Variants in SLC9C2 observed in about 807,000 individuals in gnomAD.
The protein encoded by SLC9C2 is solute carrier family 9 member C2 (putative).
A neutral mutation model predicts 140.2 loss-of-function variants in SLC9C2; 75 were observed. That is an observed-to-expected ratio of 0.53 (90% confidence interval 0.44 to 0.65). SLC9C2 has a LOEUF of 0.65. Ranked by LOEUF, SLC9C2 falls within the 30% of genes least tolerant of loss-of-function variation. The probability of loss-of-function intolerance (pLI) is 0.00; values close to 1 mark genes in which losing one functional copy is unlikely to be tolerated. For missense variants in SLC9C2, 1,074 were observed against 1,331.8 expected, an observed-to-expected ratio of 0.81 and a Z score of 3.01; for synonymous variants, 375 against 420.9, an observed-to-expected ratio of 0.89 and a Z score of 1.34.
At chr1:173,524,181 T>A in intron 20 of SLC9C2, 87 bp from the exon 21 acceptor site, 1 of 1,228,402 alleles carries the variant, frequency 8.1e-7, no homozygotes, top group African/African-American at 1.5e-5. Context: ...CTAAATAAAC[T>A]ACTGTTAGGC....
rs1222067984 is a variant in SLC9C2 at position 173,505,276 on chromosome 1, G to C, written c.3281C>G (p.Thr1094Ser). The C allele has an allele frequency of 1.2e-6, 2 of 1,613,928 alleles. No homozygotes were observed. Among genetic ancestry groups the C allele is most frequent in the African/African-American group, 2.7e-5 (2 of 74,922 alleles). Reference sequence around the variant, plus strand: ...GACATTGGTGTTACTATTTCTTTGGGTAAGCTCAGATGCTTGGATTATCAG... The same window carrying C: ...GACATTGGTGTTACTATTTCTTTGGCTAAGCTCAGATGCTTGGATTATCAG... ...KLLIIQASEL[T>S]QRNSNTNVMA... The change falls in exon 26 of 28, where the codon ACC becomes AGC. Residue 1094 changes from threonine to serine, a missense_variant. By Grantham distance (58) the Thr-to-Ser change is moderately conservative (BLOSUM62 1). Coordinates refer to ENST00000367714, the MANE Select transcript of SLC9C2 (RefSeq NM_178527.4).
At chr1:173,541,424 C>A (rs888467007) in intron 13 of SLC9C2, among the ~76,000 whole-genome samples, 1 of 152,034 alleles carries the variant, frequency 6.6e-6, no homozygotes, top group Non-Finnish European at 1.5e-5. Flanking sequence ...ATTTTAACAC[C>A]CCACTGTCAA....
chr1:173,592,745 A>C lies in SLC9C2; in HGVS notation c.358-4915T>G, dbSNP rs61828915. ...GCTGAAGTTATTTATCAGCTGAAGG[A>C]GATTTGGGGCTGAGATTATGGGGTT... On this transcript the variant is annotated intron_variant, in intron 4 of 27. Transcript: ENST00000367714. Among the ~76,000 whole-genome samples, 262 of 152,306 alleles carry C rather than the reference A, an allele frequency of 1.7e-3. 1 individual carries two copies. Among genetic ancestry groups the C allele is most frequent in the Middle Eastern group, 3.4e-3 (1 of 294 alleles).
At chr1:173,600,858 T>G (rs1289250196) in intron 2 of SLC9C2, among the ~76,000 whole-genome samples, 1 of 152,200 alleles carries the variant, frequency 6.6e-6, no homozygotes, top group Admixed American at 6.5e-5. Context: ...CACTCTTTGA[T>G]ACAATGGGTA....
At chr1:173,565,059 C>A (rs1186099265) in intron 9 of SLC9C2, among the ~76,000 whole-genome samples, 1 of 150,598 alleles carries the variant, frequency 6.6e-6, no homozygotes, top group Non-Finnish European at 1.5e-5. Flanking sequence ...CCTCTGCCTC[C>A]CGGGTTCAAG....
At chr1:173,542,257 A>G (rs1279164843) in intron 13 of SLC9C2, among the ~76,000 whole-genome samples, 3 of 152,228 alleles carry the variant, frequency 2.0e-5, no homozygotes, top group Admixed American at 1.3e-4. Context: ...TAGAAAATCT[A>G]GAAGAAATGG....
chr1:173,601,904 C>G, intron 1 of SLC9C2, 49 bp from the exon 2 acceptor site: 1 of 1,155,800 alleles, frequency 8.7e-7, no homozygotes, highest in South Asian at 1.5e-5. Flanking sequence ...TCCAATTCAT[C>G]CATACCATTT....
intron 4 of SLC9C2, among the ~76,000 whole-genome samples, chr1:173,593,790 A>T (rs1048768391): frequency 3.3e-5 from 5 of 152,210 alleles, no homozygotes; most frequent in Non-Finnish European, 5.9e-5. Context: ...AGGGCATTAC[A>T]TAATGGTAAA....
intron 3 of SLC9C2, among the ~76,000 whole-genome samples, chr1:173,599,204 C>T (rs1387943782): frequency 6.6e-6 from 1 of 151,982 alleles, no homozygotes; most frequent in South Asian, 2.1e-4. Flanking sequence ...CTGCAAGCTC[C>T]GCTTCCCGGG....
At chr1:173,523,239 G>T (rs746497412) in intron 21 of SLC9C2, among the ~76,000 whole-genome samples, 2 of 152,082 alleles carry the variant, frequency 1.3e-5, no homozygotes, top group Non-Finnish European at 2.9e-5. Flanking sequence ...GGGCATGGTG[G>T]CACAGGCCTG....
intron 10 of SLC9C2, among the ~76,000 whole-genome samples, chr1:173,556,120 G>A (rs189363773): frequency 6.6e-5 from 10 of 152,264 alleles, no homozygotes; most frequent in Admixed American, 4.6e-4. Flanking sequence ...TCATTCAAGC[G>A]GTTTTCCCCC....
At position 173,601,816 on chromosome 1, in the gene SLC9C2, G is replaced by T; in HGVS notation, c.-40C>A. Reference sequence around the variant, plus strand: ...TTCCCCAGACCTAACTTGATGGAGTGGTTTGGTTATTATTGACACTTTCAC... The same window carrying T: ...TTCCCCAGACCTAACTTGATGGAGTTGTTTGGTTATTATTGACACTTTCAC... On this transcript the variant is annotated 5_prime_UTR_variant, in exon 2 of 28. Coordinates refer to ENST00000367714, the MANE Select transcript of SLC9C2 (RefSeq NM_178527.4). The T allele has an allele frequency of 6.2e-7, 1 of 1,610,504 alleles. No homozygotes were observed. Among genetic ancestry groups the T allele is most frequent in the Non-Finnish European group, 8.5e-7 (1 of 1,178,364 alleles).
At chr1:173,526,621 A>G in intron 19 of SLC9C2, 42 bp downstream of exon 19, 1 of 1,471,498 alleles carries the variant, frequency 6.8e-7, no homozygotes, top group Non-Finnish European at 9.3e-7. Context: ...TTATAGGACA[A>G]TAAGGTATGA....
At chr1:173,508,066 AGGTGAATCATACATTTATTTGCTGAGGG>A (rs1375083601) in intron 24 of SLC9C2, among the ~76,000 whole-genome samples, 2 of 152,138 alleles carry the variant, frequency 1.3e-5, no homozygotes, top group African/African-American at 2.4e-5. Flanking sequence ...AGTCACTGAC[AGGTGAATCATACATTTATTTGCTGAGGG>A]CACCAGCACA....
At chr1:173,554,883 C>A in intron 10 of SLC9C2, 69 bp from the exon 11 acceptor site, 3 of 892,702 alleles carry the variant, frequency 3.4e-6, no homozygotes, top group South Asian at 1.5e-5. Context: ...AATCATTGTT[C>A]AATTAGCCAC....
At chr1:173,549,000 G>A (rs1663066127) in intron 11 of SLC9C2, among the ~76,000 whole-genome samples, 1 of 152,080 alleles carries the variant, frequency 6.6e-6, no homozygotes. Flanking sequence ...ACATTTAAAG[G>A]CCAGTGCAGT....
intron 24 of SLC9C2, among the ~76,000 whole-genome samples, chr1:173,508,274 AAAAG>A (rs1472925249): frequency 6.6e-6 from 1 of 152,150 alleles, no homozygotes; most frequent in Non-Finnish European, 1.5e-5. Context: ...AATGGAAAAA[AAAAG>A]AAAGAAACTA....
In SLC9C2 at chr1:173,551,812, T is replaced by C. The variant is rs527612991; in HGVS notation, c.1297+2921A>G. Among the ~76,000 whole-genome samples, 66 of 152,212 alleles carry C rather than the reference T, an allele frequency of 4.3e-4. No individual in the cohort carries two copies. In the South Asian group the frequency reaches 0.013, roughly 30 times the overall value. Reference sequence around the variant, plus strand: ...ATTAGGCCAATTAATAACCCTACAATGGCTTCTAAGTGTTCAAGTGAAAGT... The same window carrying C: ...ATTAGGCCAATTAATAACCCTACAACGGCTTCTAAGTGTTCAAGTGAAAGT... On this transcript the variant is annotated intron_variant, in intron 11 of 27. Transcript: ENST00000367714.
chr1:173,510,973 T>C (rs1026085367), intron 23 of SLC9C2, among the ~76,000 whole-genome samples: 5 of 151,934 alleles, frequency 3.3e-5, no homozygotes, highest in Non-Finnish European at 5.9e-5. Flanking sequence ...GTGTTCTTAG[T>C]TCTCCACAGC....
Sources: gnomAD v4.1 joint callset for allele counts (sites outside exome capture counted in the v4.1 genomes callset) on GRCh38, gnomAD v4.1.1 for gene constraint, MANE v1.5 for transcripts, NCBI Gene and HGNC (gene_info 2026-07-23, HGNC 2026-07-21) for gene names.